The following NXPE2 variants were observed in gnomAD, a reference collection of about 807,000 sequenced individuals.
NXPE2 encodes the protein neurexophilin and PC-esterase domain family member 2, also known as NXPE family member 2.
A neutral mutation model predicts 34.4 loss-of-function variants in NXPE2; 34 were observed. The ratio of observed to expected loss-of-function variants is 0.99; its 90% CI spans 0.75 to 1.31. NXPE2 has a LOEUF of 1.31. NXPE2 is among the 40% of genes most tolerant of loss of function. The probability of loss-of-function intolerance (pLI) is 0.00; values close to 1 mark genes in which losing one functional copy is unlikely to be tolerated. For synonymous variants in NXPE2, 235 were observed against 231.3 expected (o/e 1.02, Z -0.15); for missense variants, 649 against 672.5 (o/e 0.97, Z 0.39).
the NXPE2 span, chr11:114,583,876 T>C: frequency 7.6e-6 from 3 of 392,606 alleles, no homozygotes; most frequent in South Asian, 6.3e-5. Context: ...TCCCAGGAGA[T>C]GGGGACTTAT....
At chr11:114,669,836 C>T in the NXPE2 span, among the ~76,000 whole-genome samples, 1 of 152,036 alleles carries the variant, frequency 6.6e-6, no homozygotes, top group Non-Finnish European at 1.5e-5. Context: ...GGCAATTATG[C>T]CTAGTGTTCC....
chr11:114,713,337 T>G, the NXPE2 span, among the ~76,000 whole-genome samples: 1 of 152,218 alleles, frequency 6.6e-6, no homozygotes, highest in Non-Finnish European at 1.5e-5. Context: ...AAAACCCTCA[T>G]GTATGTTCTT....
the NXPE2 span, among the ~76,000 whole-genome samples, chr11:114,649,321 T>C: frequency 1.1e-4 from 16 of 152,166 alleles, no homozygotes; most frequent in Non-Finnish European, 2.4e-4. Context: ...AGCAAAAAAT[T>C]AGAGAAAATC....
chr11:114,477,719 C>G, the NXPE2 span, among the ~76,000 whole-genome samples: 59 of 151,786 alleles, frequency 3.9e-4, no homozygotes, highest in Non-Finnish European at 6.3e-4. Flanking sequence ...AGTAAATACT[C>G]TATGATTCTA....
the NXPE2 span, among the ~76,000 whole-genome samples, chr11:114,539,599 T>G: frequency 2.6e-5 from 4 of 152,170 alleles, no homozygotes; most frequent in Admixed American, 2.6e-4. Context: ...CAAAAAAAAT[T>G]AAAAATTTTC....
At chr11:114,557,664 TATATATATAA>T in the NXPE2 span, among the ~76,000 whole-genome samples, 163 of 108,666 alleles carry the variant, frequency 1.5e-3, 1 homozygote, top group Admixed American at 5.0e-3. Context: ...TATATATATA[TATATATATAA>T]AATCCTTGTT....
chr11:114,528,019 A>G, the NXPE2 span: 1 of 645,312 alleles, frequency 1.5e-6, no homozygotes, highest in Non-Finnish European at 2.6e-6. Context: ...AGCTGTTATT[A>G]TTGTTGTAAA....
the NXPE2 span, among the ~76,000 whole-genome samples, chr11:114,474,069 G>A: frequency 5.0e-4 from 76 of 152,260 alleles, no homozygotes; most frequent in African/African-American, 1.7e-3. Context: ...GAAAAATAAA[G>A]ATGAAGAGGT....
At chr11:114,627,081 T>C in the NXPE2 span, among the ~76,000 whole-genome samples, 11 of 151,890 alleles carry the variant, frequency 7.2e-5, no homozygotes, top group Admixed American at 3.9e-4. Context: ...TGGAACCAAG[T>C]TGGAAAACAC....
At chr11:114,471,199 T>C in the NXPE2 span, among the ~76,000 whole-genome samples, 2 of 152,200 alleles carry the variant, frequency 1.3e-5, no homozygotes, top group Non-Finnish European at 2.9e-5. Flanking sequence ...ATCCAAGAAA[T>C]CATTGCCCAG....
chr11:114,628,749 G>C, the NXPE2 span, among the ~76,000 whole-genome samples: 1 of 151,206 alleles, frequency 6.6e-6, no homozygotes, highest in Non-Finnish European at 1.5e-5. Context: ...TTTTTGAAAG[G>C]ATCAACAAAA....
chr11:114,566,165 T>C, the NXPE2 span, among the ~76,000 whole-genome samples: 1 of 152,102 alleles, frequency 6.6e-6, no homozygotes, highest in African/African-American at 2.4e-5. Flanking sequence ...AAGTCCTAAG[T>C]GCAGTGGAGA....
At chr11:114,632,193 C>T in the NXPE2 span, among the ~76,000 whole-genome samples, 13,110 of 138,556 alleles carry the variant, frequency 0.095, 771 homozygotes, top group Middle Eastern at 0.2. Flanking sequence ...AATAAATGAT[C>T]ATATATACAT....
At chr11:114,554,782 G>T in the NXPE2 span, among the ~76,000 whole-genome samples, 1 of 152,178 alleles carries the variant, frequency 6.6e-6, no homozygotes, top group Non-Finnish European at 1.5e-5. Context: ...TAATTGAAGA[G>T]ATTACTAAAC....
At chr11:114,774,800 C>T in the NXPE2 span, among the ~76,000 whole-genome samples, 2 of 152,178 alleles carry the variant, frequency 1.3e-5, no homozygotes, top group South Asian at 2.1e-4. Flanking sequence ...CCTGCGCTGC[C>T]AGTTGCAGTA....
At chr11:114,601,817 A>G in the NXPE2 span, among the ~76,000 whole-genome samples, 1 of 74,732 alleles carries the variant, frequency 1.3e-5, no homozygotes, top group South Asian at 4.2e-4. Flanking sequence ...TTATATAATT[A>G]TATATAATAT....
At chr11:114,673,893 C>T (rs906819958), upstream of NXPE2, among the ~76,000 whole-genome samples, 3 of 151,884 alleles carry the variant, frequency 2.0e-5, no homozygotes, top group Admixed American at 6.6e-5. Flanking sequence ...CTTCAGGATA[C>T]ACATCTCTCC....
At chr11:114,491,296 A>T in the NXPE2 span, among the ~76,000 whole-genome samples, 2,556 of 152,180 alleles carry the variant, frequency 0.017, 82 homozygotes, top group African/African-American at 0.057. Flanking sequence ...GAATCTACAA[A>T]GAATTCAAAC....
At chr11:114,583,874 G>C in the NXPE2 span, 3 of 394,794 alleles carry the variant, frequency 7.6e-6, no homozygotes, top group Non-Finnish European at 1.5e-5. Flanking sequence ...CTTCCCAGGA[G>C]ATGGGGACTT....
Sources: allele counts gnomAD v4.1 joint callset (sites outside exome capture counted in the v4.1 genomes callset), GRCh38; gene constraint gnomAD v4.1.1; transcripts MANE v1.5; gene names NCBI Gene and HGNC (gene_info 2026-07-23, HGNC 2026-07-21).